Variants in SETD1B observed in about 807,000 individuals in gnomAD.
SETD1B encodes the protein histone-lysine N-methyltransferase SETD1B.
In SETD1B, 7 loss-of-function variants were observed where a neutral mutation model predicts 148.0. The ratio of observed to expected loss-of-function variants is 0.05; its 90% CI spans 0.03 to 0.09. SETD1B has a LOEUF of 0.09. Ranked by LOEUF, SETD1B falls within the 10% of genes least tolerant of loss-of-function variation. The probability of loss-of-function intolerance (pLI) is 1.00; values close to 1 mark genes in which losing one functional copy is unlikely to be tolerated. For missense variants in SETD1B, 2,155 were observed against 2,729.9 expected (o/e 0.79, Z 4.69); for synonymous variants, 1,361 against 1,186.5 (o/e 1.15, Z -3.02).
chr12:121,824,179 C>T (rs1876726399), intron 12 of SETD1B, among the ~76,000 whole-genome samples: 2 of 152,230 alleles, frequency 1.3e-5, no homozygotes, highest in African/African-American at 2.4e-5. Context: ...TCCAAAGACA[C>T]AGCTACAGGT....
At chr12:121,820,387 C>T (rs142980405) in intron 11 of SETD1B, among the ~76,000 whole-genome samples, 6 of 152,242 alleles carry the variant, frequency 3.9e-5, no homozygotes, top group African/African-American at 1.4e-4. Flanking sequence ...CTGTGCTGTC[C>T]AGCACTGTAG....
chr12:121,814,335 C>T lies in SETD1B; in HGVS notation c.2120C>T (p.Pro707Leu). Reference sequence around the variant, plus strand: ...CCGCAGCCTGGCTTCCCCATGCCCCCACCGCTGCCCCCACCGCCGCCCCCA... The same window carrying T: ...CCGCAGCCTGGCTTCCCCATGCCCCTACCGCTGCCCCCACCGCCGCCCCCA... ...PPPQPGFPMP[P>L]PLPPPPPPPP... is the part of the protein sequence containing the mutation. Residue 707 changes from proline to leucine, a missense_variant, in exon 7 of 17, where the codon CCA becomes CTA. Physicochemically the swap from Pro to Leu is moderately conservative, Grantham distance 98 (BLOSUM62 -3). Transcript: ENST00000604567. 1 of 804,756 alleles carries T rather than the reference C, an allele frequency of 1.2e-6. No homozygotes were observed. Among genetic ancestry groups the T allele is most frequent in the Non-Finnish European group, 1.8e-6 (1 of 557,196 alleles). The allele number at this position is 804,756 out of a possible 1,614,324, so 49.9% of individuals were successfully genotyped here. A position where few individuals can be genotyped will look rare whatever the true frequency, so the allele number is the denominator to read the frequency against.
At chr12:121,803,719 C>G (rs1190122809), upstream of SETD1B, 1 of 152,098 alleles carries the variant, frequency 6.6e-6, no homozygotes, top group Non-Finnish European at 1.5e-5. This position sits in a 1 kb window ranked among gnomAD's most constrained non-coding sequence, Gnocchi z 4.7. Context: ...GAGGGTAGTC[C>G]CGGCCGCGGG....
At position 121,804,246 on chromosome 12, in the gene SETD1B, C is replaced by T. The variant is rs950699354; in HGVS notation, c.-15+13C>T. The stretch of plus-strand genomic sequence containing the variant: ...GCCCGGCGGGGATGTAAGCGCGGCT[C>T]GGGGAGGGAGAGGCCGCGGCCGGCA... On this transcript the variant is annotated intron_variant, in intron 1 of 16. Coordinates refer to ENST00000604567, the MANE Select transcript of SETD1B (RefSeq NM_001353345.2). This position sits in a 1 kb window ranked among gnomAD's most constrained non-coding sequence, Gnocchi z 4.6. 2.0e-5 allele frequency: 3 copies of T among 147,390 alleles called. No homozygotes were observed. The highest frequency in any genetic ancestry group is 7.3e-5 in the African/African-American group (3 of 40,832). 9.1% of individuals were successfully genotyped at this position (147,390 alleles called of 1,614,324 possible). A position where few individuals can be genotyped will look rare whatever the true frequency, so the allele number is the denominator to read the frequency against.
intron 12 of SETD1B, among the ~76,000 whole-genome samples, chr12:121,824,165 C>T (rs1008363537): frequency 2.0e-5 from 3 of 152,234 alleles, no homozygotes; most frequent in African/African-American, 7.2e-5. Flanking sequence ...GGTTCAGTGA[C>T]CTGTCCAAAG....
rs751051946 is a variant in SETD1B, at chr12:121,808,964, G to A, written c.658-639G>A. 5.3e-5 allele frequency among the ~76,000 whole-genome samples: 8 copies of A among 152,154 alleles called. No individual in the cohort carries two copies. Among genetic ancestry groups the A allele is most frequent in the Non-Finnish European group, 7.3e-5 (5 of 68,036 alleles). On this transcript the variant is annotated intron_variant, in intron 5 of 16. Coordinates refer to ENST00000604567, the MANE Select transcript of SETD1B (RefSeq NM_001353345.2). The surrounding 1 kb of genome is among the most constrained non-coding windows in gnomAD (Gnocchi z 5.3). The stretch of plus-strand genomic sequence containing the variant: ...AGCTCACTGCAAGCTCCACCTCCTG[G>A]GCTCAAGTGATTCTCTTGCCTCAGC...
chr12:121,802,055 C>T (rs1019938308), upstream of SETD1B: 2 of 151,852 alleles, frequency 1.3e-5, no homozygotes, highest in African/African-American at 4.8e-5. Context: ...CCCCCCAACC[C>T]CCAACACCAA....
chr12:121,809,335 G>A (rs552311870), intron 5 of SETD1B, among the ~76,000 whole-genome samples: 3 of 152,180 alleles, frequency 2.0e-5, no homozygotes, highest in Non-Finnish European at 4.4e-5. Flanking sequence ...CCTAAACCAA[G>A]ATGTTACAGT....
rs576673890 is a variant in SETD1B, at chr12:121,810,299, C to T, written c.1354C>T (p.Pro452Ser). The change falls in exon 6 of 17, where the codon CCC becomes TCC. Residue 452 changes from proline to serine, a missense_variant. Pro to Ser is a moderately conservative substitution (Grantham distance 74). This residue lies in a region of SETD1B where 376 missense variants were observed against 385.0 expected (regional missense o/e 0.98). Transcript: ENST00000604567. This position sits in a 1 kb window ranked among gnomAD's most constrained non-coding sequence, Gnocchi z 7.6. ...GGCCAAGGAGAAGCCAGGCACGCCA[C>T]CCGGCCCGCCGCCCCCCGACACCAA... ...PLAKEKPGTP[P>S]GPPPPDTNSM... 1.7e-5 allele frequency: 26 copies of T among 1,543,088 alleles called. No homozygotes were observed. The South Asian group carries it at 2.5e-4, about 15-fold the overall frequency.
At chr12:121,827,319 G>T (rs988482276) in intron 13 of SETD1B, among the ~76,000 whole-genome samples, 200 bp from the exon 14 acceptor site, 6 of 152,164 alleles carry the variant, frequency 3.9e-5, no homozygotes, top group African/African-American at 1.4e-4. Flanking sequence ...TCGTCGTTTT[G>T]AAGATAGAAG....
rs901301503 is a variant in SETD1B, at chr12:121,831,426, ATC to A, written c.*1191_*1192del. ...TTTTTTCCCTTTTGACCCCCTTCCCATCTCTTCAGAATTTATTCCCATGGCTT... is the reference window on the plus strand; with the variant it reads ...TTTTTTCCCTTTTGACCCCCTTCCCATCTTCAGAATTTATTCCCATGGCTT... On this transcript the variant is annotated 3_prime_UTR_variant, in exon 17 of 17. Transcript: ENST00000604567. 1 of 151,078 alleles carries A rather than the reference ATC, an allele frequency of 6.6e-6. No homozygotes were observed. Among genetic ancestry groups the A allele is most frequent in the African/African-American group, 2.4e-5 (1 of 41,120 alleles). The allele number at this position is 151,078 out of a possible 1,614,324, so 9.4% of individuals were successfully genotyped here. A position where few individuals can be genotyped will look rare whatever the true frequency, so the allele number is the denominator to read the frequency against.
chr12:121,817,829 G>A lies in SETD1B; in HGVS notation c.3343G>A (p.Asp1115Asn), dbSNP rs1027454366. The part of the protein sequence containing the change: ...DDDDDDSDDR[D>N]ESENDDEDTA... ...CGACGATGACGACAGTGATGACCGGGACGAGTCTGAGAACGATGACGAGGA... is the reference window on the plus strand; with the variant it reads ...CGACGATGACGACAGTGATGACCGGAACGAGTCTGAGAACGATGACGAGGA... Residue 1115 changes from aspartate (D) to asparagine (N), a missense_variant, in exon 10 of 17, where the codon GAC becomes AAC. By Grantham distance (23) the Asp-to-Asn change is conservative (BLOSUM62 1). Transcript: ENST00000604567. This position sits in a 1 kb window ranked among gnomAD's most constrained non-coding sequence, Gnocchi z 8.1. The A allele has an allele frequency of 1.9e-6, 3 of 1,551,032 alleles. No homozygotes were observed. Among genetic ancestry groups the A allele is most frequent in the East Asian group, 2.4e-5 (1 of 40,930 alleles).
Position 121,808,835 on chromosome 12 carries a change from G to T in SETD1B, c.657+515G>T, listed in dbSNP as rs1875870291. On this transcript the variant is annotated intron_variant, in intron 5 of 16. Coordinates refer to ENST00000604567, the MANE Select transcript of SETD1B (RefSeq NM_001353345.2). This position sits in a 1 kb window ranked among gnomAD's most constrained non-coding sequence, Gnocchi z 5.3. ...GCCAGCTCCTCCCTGGCATCAGGCT[G>T]ACTAGCTGCCACTGGCCTGTTCATC... 6.6e-6 allele frequency among the ~76,000 whole-genome samples: 1 copy of T among 152,184 alleles called. No homozygotes were observed. The highest frequency in any genetic ancestry group is 1.5e-5 in the Non-Finnish European group (1 of 68,038).
Position 121,819,613 on chromosome 12 carries a change from G to A in SETD1B, c.3628G>A (p.Glu1210Lys), listed in dbSNP as rs762892771. ...SMASAGPEDF[E>K]QDGEEAALAP... is the part of the protein sequence containing the mutation. The stretch of plus-strand genomic sequence containing the variant: ...GGCTTCTGCAGGCCCTGAGGACTTT[G>A]AGCAGGACGGGGAGGAAGCGGCTCT... Residue 1210 changes from glutamate (E) to lysine (K), a missense_variant, in exon 11 of 17, where the codon GAG becomes AAG. Physicochemically the swap from Glu to Lys is moderately conservative, Grantham distance 56. Transcript: ENST00000604567. The A allele has an allele frequency of 1.9e-6, 3 of 1,552,016 alleles. No individual in the cohort carries two copies. Among genetic ancestry groups the A allele is most frequent in the Middle Eastern group, 1.7e-4 (1 of 5,982 alleles).
At position 121,810,908 on chromosome 12, in the gene SETD1B, T is replaced by C. The variant is rs1876003895; in HGVS notation, c.1890+73T>C. The stretch of plus-strand genomic sequence containing the variant: ...GTATCTCCCTTTCCCCCTTCAAGCA[T>C]TTAGCATGACTAGCTAAGATGCGGA... On this transcript the variant is annotated intron_variant, in intron 6 of 16. Transcript: ENST00000604567. The surrounding 1 kb of genome is among the most constrained non-coding windows in gnomAD (Gnocchi z 7.6). 2 of 1,430,672 alleles carry C rather than the reference T, an allele frequency of 1.4e-6. No individual in the cohort carries two copies. The highest frequency in any genetic ancestry group is 3.0e-5 in the South Asian group (2 of 65,966). The allele number at this position is 1,430,672 out of a possible 1,614,324, so 88.6% of individuals were successfully genotyped here. A position where few individuals can be genotyped will look rare whatever the true frequency, so the allele number is the denominator to read the frequency against.
chr12:121,805,580 C>T lies in SETD1B; in HGVS notation c.274-255C>T, dbSNP rs889510516. Among the ~76,000 whole-genome samples the T allele has an allele frequency of 5.9e-5, 9 of 151,970 alleles. No individual in the cohort carries two copies. The highest frequency in any genetic ancestry group is 7.4e-5 in the Non-Finnish European group (5 of 67,992). ...AGAAAGGGGGGTGGGGAAAGAGAAACTGTTTCTTTTTCCCCTTTCCTTCCG... is the reference window on the plus strand; with the variant it reads ...AGAAAGGGGGGTGGGGAAAGAGAAATTGTTTCTTTTTCCCCTTTCCTTCCG... On this transcript the variant is annotated intron_variant, in intron 3 of 16. Coordinates refer to ENST00000604567, the MANE Select transcript of SETD1B (RefSeq NM_001353345.2). This position sits in a 1 kb window ranked among gnomAD's most constrained non-coding sequence, Gnocchi z 4.2.
Position 121,817,989 on chromosome 12 carries a change from C to T in SETD1B, c.3418+85C>T, listed in dbSNP as rs2137568408. Reference sequence around the variant, plus strand: ...GCCTGAGCAATTGTCAGAAATACTTCTGAGCCAAAATGTTGTGCTTTTGAG... The same window carrying T: ...GCCTGAGCAATTGTCAGAAATACTTTTGAGCCAAAATGTTGTGCTTTTGAG... On this transcript the variant is annotated intron_variant, in intron 10 of 16. Transcript: ENST00000604567. This position sits in a 1 kb window ranked among gnomAD's most constrained non-coding sequence, Gnocchi z 8.1. 7.4e-7 allele frequency: 1 copy of T among 1,345,352 alleles called. No homozygotes were observed. The highest frequency in any genetic ancestry group is 1.9e-4 in the Middle Eastern group (1 of 5,266). The allele number at this position is 1,345,352 out of a possible 1,614,324, so 83.3% of individuals were successfully genotyped here.
chr12:121,804,577 G>T lies in SETD1B; in HGVS notation c.-14-147G>T. 1 of 642,048 alleles carries T rather than the reference G, an allele frequency of 1.6e-6. No individual in the cohort carries two copies. The allele number at this position is 642,048 out of a possible 1,614,324, so 39.8% of individuals were successfully genotyped here. ...TATTCTCTCGCTCCATTCTTGTTTTGGGGGGAGCCAGCGAGACAGCTCCTT... is the reference window on the plus strand; with the variant it reads ...TATTCTCTCGCTCCATTCTTGTTTTTGGGGGAGCCAGCGAGACAGCTCCTT... On this transcript the variant is annotated intron_variant, in intron 1 of 16. Coordinates refer to ENST00000604567, the MANE Select transcript of SETD1B (RefSeq NM_001353345.2). The surrounding 1 kb of genome is among the most constrained non-coding windows in gnomAD (Gnocchi z 4.6).
chr12:121,807,529 A>G (rs1875806329), intron 4 of SETD1B, among the ~76,000 whole-genome samples: 1 of 152,156 alleles, frequency 6.6e-6, no homozygotes, highest in South Asian at 2.1e-4. Flanking sequence ...GTATTTCAAG[A>G]AAGAGACCAG....
Sources: allele counts gnomAD v4.1 joint callset (sites outside exome capture counted in the v4.1 genomes callset), GRCh38; gene constraint gnomAD v4.1.1; regional missense constraint gnomAD v4.1.1; non-coding constraint Gnocchi (gnomAD v3.1); transcripts MANE v1.5; gene names NCBI Gene and HGNC (gene_info 2026-07-23, HGNC 2026-07-21).